RALYL: variants seen among roughly 807,000 people sequenced by gnomAD.
The protein encoded by RALYL is RNA-binding Raly-like protein.
RALYL carries 29 observed loss-of-function variants against 35.1 expected under a neutral mutation model. The ratio of observed to expected loss-of-function variants is 0.83; its 90% CI spans 0.61 to 1.13. The LOEUF (loss-of-function observed/expected upper bound fraction) is 1.13, where lower values mean the gene tolerates loss of function less well. Ranked by LOEUF, RALYL falls within the 50% of genes most tolerant of loss-of-function variation. The pLI is 0.00. For synonymous variants in RALYL, 120 were observed against 127.6 expected (o/e 0.94, Z 0.40); for missense variants, 359 against 360.4 (o/e 1.00, Z 0.03).
At chr8:84,503,320 A>T (rs1246200368) in intron 1 of RALYL, among the ~76,000 whole-genome samples, 1 of 135,070 alleles carries the variant, frequency 7.4e-6, no homozygotes, top group Admixed American at 7.6e-5. Flanking sequence ...TGCCTGGCTA[A>T]TTTTTTTTTT....
intron 1 of RALYL, among the ~76,000 whole-genome samples, chr8:84,319,049 C>T (rs1352509627): frequency 6.6e-6 from 1 of 152,046 alleles, no homozygotes; most frequent in Non-Finnish European, 1.5e-5. Context: ...CATTGATACT[C>T]AACGAAGAGC....
At position 84,803,389 on chromosome 8, in the gene RALYL, T is replaced by C. The variant is rs183553486; in HGVS notation, c.333-1381T>C. On this transcript the variant is annotated intron_variant, in intron 3 of 8. Coordinates refer to ENST00000521268, the MANE Select transcript of RALYL (RefSeq NM_173848.7). ...GGTCATGTCTTATAAAGCAAATATA[T>C]CCAAACATTTTTCGTTGCTTCAGCT... Among the ~76,000 whole-genome samples the C allele has an allele frequency of 4.6e-5, 7 of 152,276 alleles. No homozygotes were observed. In the East Asian group the frequency reaches 9.7e-4, roughly 21 times the overall value.
chr8:84,535,370 C>T (rs1488927093), intron 2 of RALYL, among the ~76,000 whole-genome samples: 1 of 151,426 alleles, frequency 6.6e-6, no homozygotes, highest in Non-Finnish European at 1.5e-5. Context: ...TAAAAAGTTA[C>T]TCTCATTGAT....
intron 1 of RALYL, among the ~76,000 whole-genome samples, chr8:84,505,923 A>G (rs2057130050): frequency 6.6e-6 from 1 of 152,068 alleles, no homozygotes; most frequent in Non-Finnish European, 1.5e-5. Flanking sequence ...ATTTTTACTC[A>G]TATTAAATAC....
chr8:84,232,583 G>A (rs1825614308), intron 1 of RALYL, among the ~76,000 whole-genome samples: 1 of 152,014 alleles, frequency 6.6e-6, no homozygotes, highest in African/African-American at 2.4e-5. Flanking sequence ...AAGACAGTGG[G>A]CATTAAGTGT....
intron 1 of RALYL, among the ~76,000 whole-genome samples, chr8:84,450,001 G>C (rs947095810): frequency 1.3e-5 from 2 of 151,570 alleles, no homozygotes; most frequent in African/African-American, 4.8e-5. Flanking sequence ...ACGCATAGAA[G>C]GCGTTCAGAA....
intron 2 of RALYL, among the ~76,000 whole-genome samples, chr8:84,747,710 GTGACT>G (rs1274881357): frequency 7.9e-5 from 12 of 151,798 alleles, no homozygotes; most frequent in African/African-American, 1.9e-4. Context: ...AATAATAATA[GTGACT>G]TGACTTAATT....
intron 1 of RALYL, among the ~76,000 whole-genome samples, chr8:84,299,146 G>A (rs1840309033): frequency 6.6e-6 from 1 of 151,640 alleles, no homozygotes; most frequent in South Asian, 2.1e-4. Context: ...CTTAAGAGAA[G>A]TGTTTCTAGC....
At position 84,689,492 on chromosome 8, in the gene RALYL, C is replaced by G. The variant is rs557234422; in HGVS notation, c.257-85087C>G. 2.4e-3 allele frequency among the ~76,000 whole-genome samples: 369 copies of G among 152,154 alleles called. 1 individual carries two copies. The highest frequency in any genetic ancestry group is 3.4e-3 in the Non-Finnish European group (231 of 68,000). ...CAGTCTATCATTGTTGGACATTTGG[C>G]TTGGTTCCAAGTCTTTGCTATTGTG... is the stretch of plus-strand genomic sequence containing the variant. On this transcript the variant is annotated intron_variant, in intron 2 of 8. Coordinates refer to ENST00000521268, the MANE Select transcript of RALYL (RefSeq NM_173848.7).
chr8:84,777,627 GTGTTT>G (rs530570514), intron 3 of RALYL, among the ~76,000 whole-genome samples: 1 of 152,024 alleles, frequency 6.6e-6, no homozygotes, highest in African/African-American at 2.4e-5. Context: ...CTCTGAGTCT[GTGTTT>G]TGTTTTGTTT....
intron 1 of RALYL, among the ~76,000 whole-genome samples, chr8:84,409,387 G>T (rs1286873234): frequency 6.6e-6 from 1 of 151,922 alleles, no homozygotes; most frequent in Non-Finnish European, 1.5e-5. Context: ...GGACACTATT[G>T]AGAGAAAAGG....
chr8:84,425,789 G>A (rs998622685), intron 1 of RALYL, among the ~76,000 whole-genome samples: 2,301 of 148,326 alleles, frequency 0.016, 39 homozygotes, highest in African/African-American at 0.044. Context: ...TCTTCTGTGT[G>A]TGTGTGTGTG....
intron 1 of RALYL, among the ~76,000 whole-genome samples, chr8:84,492,430 C>G (rs1248927662): frequency 6.6e-6 from 1 of 152,056 alleles, no homozygotes; most frequent in East Asian, 1.9e-4. Context: ...CTAAAAAGAT[C>G]TCAATAAATC....
chr8:84,325,861 G>A (rs1388021131), intron 1 of RALYL, among the ~76,000 whole-genome samples: 1 of 152,188 alleles, frequency 6.6e-6, no homozygotes, highest in African/African-American at 2.4e-5. Flanking sequence ...TGGGTGCAGT[G>A]GCTCATGCCT....
chr8:84,887,147 T>G (rs886698652), intron 7 of RALYL, among the ~76,000 whole-genome samples: 3 of 152,242 alleles, frequency 2.0e-5, no homozygotes, highest in Non-Finnish European at 2.9e-5. Context: ...AGTTTTTGTC[T>G]TTTTCACTTA....
At chr8:84,677,793 T>A (rs970906351) in intron 2 of RALYL, among the ~76,000 whole-genome samples, 2 of 152,242 alleles carry the variant, frequency 1.3e-5, no homozygotes, top group Admixed American at 6.5e-5. Context: ...TGACTTTTTT[T>A]ATGACATTTT....
intron 7 of RALYL, among the ~76,000 whole-genome samples, chr8:84,886,042 A>G (rs891220022): frequency 2.0e-5 from 3 of 152,236 alleles, no homozygotes; most frequent in Middle Eastern, 6.8e-3. Flanking sequence ...CAGTGTCTAT[A>G]ATTCTGTGGG....
chr8:84,767,839 G>A (rs1040622803), intron 2 of RALYL, among the ~76,000 whole-genome samples: 6 of 152,124 alleles, frequency 3.9e-5, no homozygotes, highest in Non-Finnish European at 5.9e-5. Flanking sequence ...AGATAACAAC[G>A]TGGACCAGCC....
At chr8:84,893,861 A>G (rs796996789) in intron 8 of RALYL, among the ~76,000 whole-genome samples, 1 of 152,202 alleles carries the variant, frequency 6.6e-6, no homozygotes, top group African/African-American at 2.4e-5. Flanking sequence ...ACTACACACA[A>G]TCAAATCAGG....
Sources: gnomAD v4.1 joint callset for allele counts (sites outside exome capture counted in the v4.1 genomes callset) on GRCh38, gnomAD v4.1.1 for gene constraint, MANE v1.5 for transcripts, NCBI Gene and HGNC (gene_info 2026-07-23, HGNC 2026-07-21) for gene names.